The following ZNF468 variants were observed in gnomAD, a reference collection of about 807,000 sequenced individuals.
The protein encoded by ZNF468 is zinc finger protein ZNF468.
Under a neutral mutation model 7.2 loss-of-function variants are expected in ZNF468, and 8 were observed. That is an observed-to-expected ratio of 1.11 (90% CI 0.65 to 2.01). ZNF468 has a LOEUF of 2.01. Among genes scored for constraint, ZNF468 ranks in the 30% most tolerant of loss-of-function variants. The probability of loss-of-function intolerance (pLI) is 0.00; values close to 1 mark genes in which losing one functional copy is unlikely to be tolerated. For missense variants in ZNF468, 608 were observed against 626.5 expected (o/e 0.97, Z 0.31); for synonymous variants, 218 against 214.4 (o/e 1.02, Z -0.15).
rs1568673398 is a variant in ZNF468 at position 52,841,003 on chromosome 19, T to A, written c.1291A>T (p.Arg431Trp). The change falls in exon 4 of 4, where the codon AGG becomes TGG. Residue 431 changes from arginine (R) to tryptophan (W), a missense_variant. Coordinates refer to ENST00000595646, the MANE Select transcript of ZNF468 (RefSeq NM_001008801.2). ...SRKSNLERHR[R>W]IHTGEKPYKC... Reference sequence around the variant, plus strand: ...TATGGTTTCTCTCCAGTATGAATCCTCCTGTGTCTTTCCAGGTTTGATTTG... The same window carrying A: ...TATGGTTTCTCTCCAGTATGAATCCACCTGTGTCTTTCCAGGTTTGATTTG... The A allele has an allele frequency of 3.1e-6, 5 of 1,613,888 alleles. No individual in the cohort carries two copies. The highest frequency in any genetic ancestry group is 2.7e-5 in the African/African-American group (2 of 74,902).
intron 2 of ZNF468, among the ~76,000 whole-genome samples, chr19:52,851,101 T>C (rs992547467): frequency 5.3e-5 from 8 of 151,892 alleles, no homozygotes; most frequent in African/African-American, 1.7e-4. Flanking sequence ...GGTGAAACAC[T>C]GTCTCTTCTA....
At position 52,853,882 on chromosome 19, in the gene ZNF468, G is replaced by C. The variant is rs960267232; in HGVS notation, c.15+376C>G. Reference sequence around the variant, plus strand: ...TTTTCTAGAACTTACCACGTACTTCGTGCATATTAATACGTGACTCCCATT... The same window carrying C: ...TTTTCTAGAACTTACCACGTACTTCCTGCATATTAATACGTGACTCCCATT... On this transcript the variant is annotated intron_variant, in intron 2 of 3. Transcript: ENST00000595646. The C allele has an allele frequency of 1.6e-5, 20 of 1,262,796 alleles. No individual in the cohort carries two copies. The African/African-American group carries it at 2.4e-4, about 15-fold the overall frequency. The allele number at this position is 1,262,796 out of a possible 1,614,324, so 78.2% of individuals were successfully genotyped here. A position where few individuals can be genotyped will look rare whatever the true frequency, so the allele number is the denominator to read the frequency against.
chr19:52,849,097 G>T lies in ZNF468; in HGVS notation c.132C>A (p.Leu44=), dbSNP rs771700341. Residue 44 remains leucine (L), a synonymous_variant, in exon 3 of 4, where the codon CTC becomes CTA. Transcript: ENST00000595646. ...RDVMLENYRN[L]VSLDISSKCM... ...GGAAGTTATCCTCACCCAGGGAGAC[G>T]AGGTTCCTATAATTCTCCAGCATCA... The T allele has an allele frequency of 6.2e-7, 1 of 1,613,570 alleles. No individual in the cohort carries two copies. Among genetic ancestry groups the T allele is most frequent in the African/African-American group, 1.3e-5 (1 of 74,872 alleles).
chr19:52,850,637 C>T (rs1349225208), intron 2 of ZNF468, among the ~76,000 whole-genome samples: 6 of 152,186 alleles, frequency 3.9e-5, no homozygotes, highest in South Asian at 2.1e-4. Context: ...CGGTGGCTCA[C>T]GCCTGTAATC....
rs1375591855 is a variant in ZNF468, at chr19:52,842,081, T to C, written c.213A>G (p.Thr71=). ...GACTTGCTTGTCTGTGCAATGTCCCTGTGTGGATCACTTCTGTATTGCCTT... is the reference window on the plus strand; with the variant it reads ...GACTTGCTTGTCTGTGCAATGTCCCCGTGTGGATCACTTCTGTATTGCCTT... The part of the protein sequence containing the change: ...TGQGNTEVIH[T]GTLHRQASHH... Residue 71 remains threonine, a synonymous_variant, in exon 4 of 4, where the codon ACA becomes ACG. Transcript: ENST00000595646. The C allele has an allele frequency of 2.9e-5, 47 of 1,613,584 alleles. No homozygotes were observed. Among genetic ancestry groups the C allele is most frequent in the Non-Finnish European group, 3.8e-5 (45 of 1,179,756 alleles).
chr19:52,840,298 C>T lies in ZNF468; in HGVS notation c.*427G>A, dbSNP rs2063283860. On this transcript the variant is annotated 3_prime_UTR_variant, in exon 4 of 4. Transcript: ENST00000595646. ...CATTCATTGTGCTTGTAAGGTTTCT[C>T]TCCACTATGAATTACAAGGTGTGAA... 47 of 415,118 alleles carry T rather than the reference C, an allele frequency of 1.1e-4. 1 individual carries two copies. The highest frequency in any genetic ancestry group is 9.9e-4 in the South Asian group (46 of 46,626). The allele number at this position is 415,118 out of a possible 1,614,324, so 25.7% of individuals were successfully genotyped here.
At position 52,841,631 on chromosome 19, in the gene ZNF468, G is replaced by T; in HGVS notation, c.663C>A (p.Phe221Leu). The change falls in exon 4 of 4, where the codon TTC (phenylalanine) becomes TTA (leucine). Residue 221 changes from phenylalanine (F) to leucine (L), a missense_variant. Physicochemically the swap from Phe to Leu is conservative, Grantham distance 22. Coordinates refer to ENST00000595646, the MANE Select transcript of ZNF468 (RefSeq NM_001008801.2). ...REKSFECIQS[F>L]KSFNCSSLLK... Reference sequence around the variant, plus strand: ...AGAGTGAGCTGCAATTAAAGGATTTGAAGCTCTGTATACATTCAAAAGATT... The same window carrying T: ...AGAGTGAGCTGCAATTAAAGGATTTTAAGCTCTGTATACATTCAAAAGATT... 6.2e-7 allele frequency: 1 copy of T among 1,614,018 alleles called. No homozygotes were observed.
intron 3 of ZNF468, chr19:52,846,464 T>C (rs2063342712): frequency 6.6e-6 from 1 of 152,208 alleles, no homozygotes; most frequent in Non-Finnish European, 1.5e-5. Flanking sequence ...CCTCCGAAAG[T>C]GCTAGGATTA....
At chr19:52,852,389 A>G (rs2063397370) in intron 2 of ZNF468, among the ~76,000 whole-genome samples, 1 of 152,032 alleles carries the variant, frequency 6.6e-6, no homozygotes, top group Non-Finnish European at 1.5e-5. Flanking sequence ...TTTTACAAAA[A>G]TAACAGCCAG....
Position 52,840,713 on chromosome 19 carries a change from C to T in ZNF468, c.*12G>A, listed in dbSNP as rs775286732. 1 of 1,613,272 alleles carries T rather than the reference C, an allele frequency of 6.2e-7. No individual in the cohort carries two copies. Among genetic ancestry groups the T allele is most frequent in the Non-Finnish European group, 8.5e-7 (1 of 1,179,534 alleles). On this transcript the variant is annotated 3_prime_UTR_variant, in exon 4 of 4. Transcript: ENST00000595646. ...AATTGTGATGGAAGGTCTTGCCACA[C>T]TCATTACACTATTAAGGCTTCTCTC...
Position 52,841,717 on chromosome 19 carries a change from C to A in ZNF468, c.577G>T (p.Gly193Ter). ...RPKTHISNKYGNNSLHSSLLT... is the reference protein window; with the variant it reads ...RPKTHISNKY ...AATGAAGAATGGAGGGAATTATTTC[C>A]ATACTTATTAGAAATATGGGTTTTG... Residue 193 changes from glycine (G) to a stop codon, truncating the protein, a stop_gained, in exon 4 of 4, where the codon GGA becomes TGA. Coordinates refer to ENST00000595646, the MANE Select transcript of ZNF468 (RefSeq NM_001008801.2). LOFTEE classifies it low-confidence loss of function (END_TRUNC). 1 of 1,613,974 alleles carries A rather than the reference C, an allele frequency of 6.2e-7. No individual in the cohort carries two copies. Among genetic ancestry groups the A allele is most frequent in the Non-Finnish European group, 8.5e-7 (1 of 1,180,010 alleles).
At chr19:52,854,919 G>A (rs541811668) in intron 1 of ZNF468, among the ~76,000 whole-genome samples, 1 of 152,128 alleles carries the variant, frequency 6.6e-6, no homozygotes, top group Admixed American at 6.6e-5. Flanking sequence ...CTACTCGGGA[G>A]GCTGAGGTAG....
chr19:52,849,389 T>C, intron 2 of ZNF468, 176 bp from the exon 3 acceptor site: 1 of 1,280,550 alleles, frequency 7.8e-7, no homozygotes, highest in Non-Finnish European at 1.1e-6. Flanking sequence ...ATTACACTTT[T>C]TGAGTATTAT....
intron 2 of ZNF468, among the ~76,000 whole-genome samples, chr19:52,849,898 G>A (rs10421456): frequency 0.014 from 2,202 of 151,908 alleles, 55 homozygotes; most frequent in African/African-American, 0.05. Context: ...GCAAGACCCC[G>A]TCTCAAAATA....
intron 1 of ZNF468, among the ~76,000 whole-genome samples, chr19:52,857,346 C>T (rs756063315): frequency 1.9e-4 from 29 of 152,272 alleles, no homozygotes; most frequent in Non-Finnish European, 3.8e-4. Context: ...CGATAGGAAA[C>T]GTATACATTG....
At position 52,841,117 on chromosome 19, in the gene ZNF468, T is replaced by G; in HGVS notation, c.1177A>C (p.Ser393Arg). The change falls in exon 4 of 4, where the codon AGT (serine) becomes CGT (arginine). Residue 393 changes from serine (S) to arginine (R), a missense_variant. Ser to Arg is a moderately radical substitution (Grantham distance 110, BLOSUM62 -1). Coordinates refer to ENST00000595646, the MANE Select transcript of ZNF468 (RefSeq NM_001008801.2). ...TGTCTTTCAAGGTGTGATTTGCGAC[T>G]GAAAACTTTGTCACACTCTTCACAT... ...YKCEECDKVF[S>R]RKSHLERHRR... 6.2e-7 allele frequency: 1 copy of G among 1,613,942 alleles called. No individual in the cohort carries two copies.
chr19:52,846,097 T>G (rs1336449755), intron 3 of ZNF468, among the ~76,000 whole-genome samples: 1 of 152,140 alleles, frequency 6.6e-6, no homozygotes, highest in East Asian at 1.9e-4. Context: ...TTCATATTAT[T>G]TGAAATAAAA....
intron 1 of ZNF468, among the ~76,000 whole-genome samples, chr19:52,855,713 C>G (rs1053635235): frequency 2.0e-5 from 3 of 151,556 alleles, no homozygotes; most frequent in Non-Finnish European, 4.4e-5. Context: ...TTTTGGGGTA[C>G]TGCATCCCAC....
chr19:52,856,880 T>A (rs1360684893), intron 1 of ZNF468, among the ~76,000 whole-genome samples: 1 of 152,152 alleles, frequency 6.6e-6, no homozygotes, highest in Non-Finnish European at 1.5e-5. Flanking sequence ...TTTCTACTGC[T>A]CTCTCAGTCC....
Sources: allele counts gnomAD v4.1 joint callset (sites outside exome capture counted in the v4.1 genomes callset), GRCh38; gene constraint gnomAD v4.1.1; transcripts MANE v1.5; gene names NCBI Gene and HGNC (gene_info 2026-07-23, HGNC 2026-07-21).